Variants in CLSPN observed in about 807,000 individuals in gnomAD.
CLSPN encodes claspin.
CLSPN carries 85 observed loss-of-function variants against 156.3 expected under a neutral mutation model. The observed-to-expected ratio is 0.54, with a 90% CI of 0.46 to 0.65. CLSPN has a LOEUF of 0.65. Ranked by LOEUF, CLSPN falls within the 30% of genes least tolerant of loss-of-function variation. The probability of loss-of-function intolerance (pLI) is 0.00; values close to 1 mark genes in which losing one functional copy is unlikely to be tolerated. For synonymous variants in CLSPN, 534 were observed against 542.4 expected (o/e 0.98, Z 0.22); for missense variants, 1,407 against 1,554.9 (o/e 0.90, Z 1.60).
chr1:35,741,397 C>T (rs1475333912), intron 18 of CLSPN, among the ~76,000 whole-genome samples: 2 of 152,152 alleles, frequency 1.3e-5, no homozygotes. Flanking sequence ...CAGCTCACTG[C>T]ACCCTCCACC....
rs201140278 is a variant in CLSPN, at chr1:35,753,980, A to C, written c.1580-44T>G. On this transcript the variant is annotated intron_variant, in intron 8 of 24. Coordinates refer to ENST00000318121, the MANE Select transcript of CLSPN (RefSeq NM_022111.4). Reference sequence around the variant, plus strand: ...CAGTGTGTCAGTTTGCCATGCTCAAAACTCTTTCCTTTAAGACTTATAAGC... The same window carrying C: ...CAGTGTGTCAGTTTGCCATGCTCAACACTCTTTCCTTTAAGACTTATAAGC... 75 of 1,583,910 alleles carry C rather than the reference A, an allele frequency of 4.7e-5. 1 individual carries two copies. The East Asian group carries it at 1.6e-3, about 35-fold the overall frequency.
chr1:35,726,204 G>A (rs2148606723), intron 24 of CLSPN, among the ~76,000 whole-genome samples: 1 of 141,166 alleles, frequency 7.1e-6, no homozygotes, highest in East Asian at 2.1e-4. Flanking sequence ...CTCCAGGATG[G>A]CCCCCAGCAG....
At chr1:35,758,330 C>A (rs971583746) in intron 8 of CLSPN, among the ~76,000 whole-genome samples, 8 of 152,030 alleles carry the variant, frequency 5.3e-5, no homozygotes, top group African/African-American at 1.9e-4. Flanking sequence ...AGGCATAAGC[C>A]ACTGACTATG....
downstream of CLSPN, among the ~76,000 whole-genome samples, chr1:35,727,454 T>C (rs1265345516): frequency 6.6e-6 from 1 of 152,212 alleles, no homozygotes; most frequent in Non-Finnish European, 1.5e-5. Context: ...CCTGGAAGAC[T>C]GTCTGCATAG....
In CLSPN at chr1:35,764,321, T is replaced by A. The variant is rs976867797; in HGVS notation, c.527A>T (p.Glu176Val). ...TCTAATTTTTTCCATTTTTCTCTCC[T>A]CTTTCTCAAGTCTTCTTTTTGATTT... The part of the protein sequence containing the change: ...KVKSKRRLEK[E>V]ERKMEKIRQL... The change falls in exon 3 of 25, where the codon GAG becomes GTG. Residue 176 changes from glutamate (E) to valine (V), a missense_variant. This residue lies in a region of CLSPN where 1,096 missense variants were observed against 1,193.0 expected (regional missense o/e 0.92). Transcript: ENST00000318121. 6.3e-7 allele frequency: 1 copy of A among 1,596,346 alleles called. No homozygotes were observed. Among genetic ancestry groups the A allele is most frequent in the Admixed American group, 1.8e-5 (1 of 55,386 alleles).
chr1:35,743,741 A>G (rs1641779220), intron 16 of CLSPN, among the ~76,000 whole-genome samples: 1 of 151,986 alleles, frequency 6.6e-6, no homozygotes, highest in South Asian at 2.1e-4. Flanking sequence ...CTCCCACATC[A>G]GCCTCCTGAG....
chr1:35,753,863 C>A lies in CLSPN; in HGVS notation c.1653G>T (p.Val551=), dbSNP rs1434915110. The change falls in exon 9 of 25, where the codon GTG becomes GTT. Residue 551 remains valine (V), a synonymous_variant. Coordinates refer to ENST00000318121, the MANE Select transcript of CLSPN (RefSeq NM_022111.4). ...PAAKPRAGQT[V]NVNVIVKDMG... is the part of the protein sequence containing the mutation. ...TGTCTTTCACTATGACGTTCACATT[C>A]ACTGTCTGACCAGCCCTGGGTTTGG... 1.9e-6 allele frequency: 3 copies of A among 1,614,110 alleles called. No homozygotes were observed. The highest frequency in any genetic ancestry group is 2.5e-6 in the Non-Finnish European group (3 of 1,180,046).
rs1370319513 is a variant in CLSPN, at chr1:35,760,545, T to C, written c.1376A>G (p.Glu459Gly). 1.2e-6 allele frequency: 2 copies of C among 1,614,218 alleles called. 1 individual carries two copies. The highest frequency in any genetic ancestry group is 2.2e-5 in the South Asian group (2 of 91,076). ...TGTTTCTTCTGGATTTTGGGGGCCT[T>C]CACCCTCCAGGGCATGAGGTTCAAA... ...VAFEPHALEG[E>G]GPQNPEETDE... The change falls in exon 8 of 25, where the codon GAA becomes GGA. Residue 459 changes from glutamate (E) to glycine (G), a missense_variant. Glu to Gly is a moderately conservative substitution (Grantham distance 98, BLOSUM62 -2). Transcript: ENST00000318121.
chr1:35,759,590 C>A (rs1642402930), intron 8 of CLSPN, among the ~76,000 whole-genome samples: 1 of 152,060 alleles, frequency 6.6e-6, no homozygotes, highest in African/African-American at 2.4e-5. Context: ...ATAGTAGATA[C>A]TTTAATATTT....
In CLSPN at chr1:35,734,103, T is replaced by C; in HGVS notation, c.*2393A>G. On this transcript the variant is annotated 3_prime_UTR_variant, in exon 25 of 25. Transcript: ENST00000318121. ...GTTAACTTGATCAATTCACTAGGAC[T>C]GAGAAGCCAGTGAGGGGACAATTGC... 2 of 985,420 alleles carry C rather than the reference T, an allele frequency of 2.0e-6. No individual in the cohort carries two copies. The highest frequency in any genetic ancestry group is 2.4e-6 in the Non-Finnish European group (2 of 829,916). The allele number at this position is 985,420 out of a possible 1,614,324, so 61.0% of individuals were successfully genotyped here. A position where few individuals can be genotyped will look rare whatever the true frequency, so the allele number is the denominator to read the frequency against.
In CLSPN at chr1:35,747,934, G is replaced by A. The variant is rs1280360395; in HGVS notation, c.2600C>T (p.Thr867Ile). Reference sequence around the variant, plus strand: ...ATCTGCATCCAACAGTTGGCTCTGAGTGTCATCTTCTAAACAGAACTGGAA... The same window carrying A: ...ATCTGCATCCAACAGTTGGCTCTGAATGTCATCTTCTAAACAGAACTGGAA... ...GDFQFCLEDDTQSQLLDADGF... is the reference protein window; with the variant it reads ...GDFQFCLEDDIQSQLLDADGF... Residue 867 changes from threonine to isoleucine, a missense_variant, in exon 14 of 25, where the codon ACT becomes ATT. Coordinates refer to ENST00000318121, the MANE Select transcript of CLSPN (RefSeq NM_022111.4). The A allele has an allele frequency of 6.2e-7, 1 of 1,614,126 alleles. No individual in the cohort carries two copies. The highest frequency in any genetic ancestry group is 2.2e-5 in the East Asian group (1 of 44,886).
rs112406991 is a variant in CLSPN, at chr1:35,759,557, G to T, written c.1579+785C>A. 2.2e-3 allele frequency among the ~76,000 whole-genome samples: 342 copies of T among 152,008 alleles called. 1 individual carries two copies. Among genetic ancestry groups the T allele is most frequent in the Non-Finnish European group, 3.8e-3 (255 of 67,980 alleles). On this transcript the variant is annotated intron_variant, in intron 8 of 24. Coordinates refer to ENST00000318121, the MANE Select transcript of CLSPN (RefSeq NM_022111.4). ...TACCTTAAATGTCAGATTTATCTTG[G>T]TATGCCCCACAGCAACTTACTCATA...
chr1:35,764,662 T>C lies in CLSPN; in HGVS notation c.186A>G (p.Leu62=). 1.3e-6 allele frequency: 2 copies of C among 1,596,272 alleles called. No individual in the cohort carries two copies. The highest frequency in any genetic ancestry group is 2.3e-5 in the South Asian group (2 of 86,152). ...CCTCTGTTTCGGAATCACTGTCTTGTAGAACCTTCCTGTTTTTCAACTTCT... is the reference window on the plus strand; with the variant it reads ...CCTCTGTTTCGGAATCACTGTCTTGCAGAACCTTCCTGTTTTTCAACTTCT... ...VSKKLKNRKV[L]QDSDSETEDT... Residue 62 remains leucine (L), a synonymous_variant, in exon 3 of 25, where the codon CTA becomes CTG. Coordinates refer to ENST00000318121, the MANE Select transcript of CLSPN (RefSeq NM_022111.4).
chr1:35,739,761 G>A (rs553164482), intron 18 of CLSPN, among the ~76,000 whole-genome samples: 45 of 152,266 alleles, frequency 3.0e-4, no homozygotes, highest in African/African-American at 1.0e-3. Context: ...ATTTACGATG[G>A]AGTTATATCT....
In CLSPN at chr1:35,734,609, C is replaced by T. The variant is rs1002453228; in HGVS notation, c.*1887G>A. Reference sequence around the variant, plus strand: ...GGCAGAATTGCTTGAACCTAGGAGGCGGAGGTTGCAGTAAGCCGAGATCAT... The same window carrying T: ...GGCAGAATTGCTTGAACCTAGGAGGTGGAGGTTGCAGTAAGCCGAGATCAT... On this transcript the variant is annotated 3_prime_UTR_variant, in exon 25 of 25. Transcript: ENST00000318121. 20 of 404,160 alleles carry T rather than the reference C, an allele frequency of 4.9e-5. No individual in the cohort carries two copies. The highest frequency in any genetic ancestry group is 1.0e-4 in the South Asian group (1 of 9,584). 25.0% of individuals were successfully genotyped at this position (404,160 alleles called of 1,614,324 possible).
At chr1:35,744,613 T>A (rs550208487) in intron 16 of CLSPN, among the ~76,000 whole-genome samples, 1 of 151,958 alleles carries the variant, frequency 6.6e-6, no homozygotes, top group Non-Finnish European at 1.5e-5. Flanking sequence ...CCATTTTAAG[T>A]TGAATATTCC....
intron 3 of CLSPN, among the ~76,000 whole-genome samples, 188 bp downstream of exon 3, chr1:35,764,078 G>A (rs895745060): frequency 6.6e-5 from 10 of 152,174 alleles, no homozygotes; most frequent in South Asian, 4.1e-4. Context: ...GGGATTAGAC[G>A]TATGCACCAC....
chr1:35,768,362 C>G (rs1347700863), intron 1 of CLSPN, among the ~76,000 whole-genome samples: 1 of 95,976 alleles, frequency 1.0e-5, no homozygotes, highest in Admixed American at 9.7e-5. Context: ...AGCGAGACTC[C>G]GTCTCAAAAA....
rs1489994249 is a variant in CLSPN, at chr1:35,735,356, A to G, written c.*1140T>C. On this transcript the variant is annotated 3_prime_UTR_variant, in exon 25 of 25. Coordinates refer to ENST00000318121, the MANE Select transcript of CLSPN (RefSeq NM_022111.4). ...TTGGGAAGAAGCATACAGGAAAATG[A>G]AAGGGGTAAGAGTAATACAGCAGCC... 2 of 985,338 alleles carry G rather than the reference A, an allele frequency of 2.0e-6. No individual in the cohort carries two copies. Among genetic ancestry groups the G allele is most frequent in the Non-Finnish European group, 2.4e-6 (2 of 829,946 alleles). The allele number at this position is 985,338 out of a possible 1,614,324, so 61.0% of individuals were successfully genotyped here.
Sources: allele counts gnomAD v4.1 joint callset (sites outside exome capture counted in the v4.1 genomes callset), GRCh38; gene constraint gnomAD v4.1.1; regional missense constraint gnomAD v4.1.1; transcripts MANE v1.5; gene names NCBI Gene and HGNC (gene_info 2026-07-23, HGNC 2026-07-21).